The following GPM6A variants were observed in gnomAD, a reference collection of about 807,000 sequenced individuals.
GPM6A encodes neuronal membrane glycoprotein M6-a.
Under a neutral mutation model 32.1 loss-of-function variants are expected in GPM6A, and 7 were observed. The observed-to-expected ratio is 0.22, with a 90% CI of 0.12 to 0.41. The LOEUF is 0.41. Among genes scored for constraint, GPM6A ranks in the 10% least tolerant of loss-of-function variants. The pLI is 1.00. For synonymous variants in GPM6A, 130 were observed against 123.4 expected, an observed-to-expected ratio of 1.05 and a Z score of -0.35; for missense variants, 235 against 347.2, an observed-to-expected ratio of 0.68 and a Z score of 2.57.
intron 1 of GPM6A, among the ~76,000 whole-genome samples, chr4:175,788,400 T>C (rs944294621): frequency 2.0e-5 from 3 of 152,214 alleles, no homozygotes; most frequent in African/African-American, 7.2e-5. Flanking sequence ...TTTCTTTAAA[T>C]TGGCAAGGTA....
At chr4:175,919,397 C>G (rs892617551) in intron 1 of GPM6A, among the ~76,000 whole-genome samples, 4 of 152,110 alleles carry the variant, frequency 2.6e-5, no homozygotes, top group African/African-American at 4.8e-5. Context: ...GATTAATGGG[C>G]CAGAAGAAGC....
intron 1 of GPM6A, among the ~76,000 whole-genome samples, chr4:175,915,707 CAAT>C (rs1738472085): frequency 6.6e-6 from 1 of 152,028 alleles, no homozygotes; most frequent in South Asian, 2.1e-4. Flanking sequence ...ATCAGTACAA[CAAT>C]ATTATTTTTC....
intron 1 of GPM6A, among the ~76,000 whole-genome samples, chr4:175,906,463 T>C (rs369995908): frequency 2.0e-5 from 3 of 152,242 alleles, no homozygotes; most frequent in East Asian, 3.9e-4. Context: ...TAAAAACCAA[T>C]TTTAGAAAAC....
At chr4:175,960,499 T>C (rs553624924) in intron 1 of GPM6A, among the ~76,000 whole-genome samples, 3 of 152,310 alleles carry the variant, frequency 2.0e-5, no homozygotes, top group East Asian at 1.9e-4. Flanking sequence ...TAGATAAACA[T>C]GTGACATGGT....
intron 1 of GPM6A, among the ~76,000 whole-genome samples, chr4:175,770,101 A>G (rs1302612737): frequency 6.6e-6 from 1 of 152,130 alleles, no homozygotes; most frequent in African/African-American, 2.4e-5. Flanking sequence ...ATCTCAGCTC[A>G]CTGCAACCTC....
intron 1 of GPM6A, among the ~76,000 whole-genome samples, chr4:175,881,776 G>T (rs1048659463): frequency 6.6e-6 from 1 of 152,030 alleles, no homozygotes; most frequent in Non-Finnish European, 1.5e-5. Context: ...TCACTCATAG[G>T]TGGGAATTGA....
At chr4:175,787,283 T>C (rs1323732564) in intron 1 of GPM6A, 2 of 1,046,520 alleles carry the variant, frequency 1.9e-6, no homozygotes, top group Non-Finnish European at 2.9e-6. Context: ...CAGAAATGAT[T>C]TCCTCAATAG....
intron 1 of GPM6A, among the ~76,000 whole-genome samples, chr4:175,776,394 G>A (rs187735588): frequency 2.8e-4 from 43 of 152,276 alleles, no homozygotes; most frequent in Non-Finnish European, 4.6e-4. Context: ...CAACCTTGAC[G>A]TGAGGAACGG....
At chr4:175,999,548 C>A (rs761586952) in intron 1 of GPM6A, among the ~76,000 whole-genome samples, 2 of 151,414 alleles carry the variant, frequency 1.3e-5, no homozygotes, top group African/African-American at 2.4e-5. Context: ...TTACAATCAG[C>A]CTTGTGCATT....
At chr4:175,649,982 G>C (rs1352976499) in intron 4 of GPM6A, among the ~76,000 whole-genome samples, 2 of 152,114 alleles carry the variant, frequency 1.3e-5, no homozygotes, top group African/African-American at 2.4e-5. Context: ...TTAGGACAAG[G>C]GGCAGAGAGC....
intron 1 of GPM6A, among the ~76,000 whole-genome samples, chr4:175,918,176 T>A (rs1738555333): frequency 6.6e-6 from 1 of 151,994 alleles, no homozygotes. Flanking sequence ...AGAAACTTTA[T>A]AATGAAGACA....
intron 1 of GPM6A, among the ~76,000 whole-genome samples, chr4:175,801,329 A>C (rs1302188471): frequency 1.4e-5 from 2 of 145,160 alleles, no homozygotes; most frequent in African/African-American, 5.1e-5. Context: ...TTAATATTAT[A>C]GGTATGTTAA....
intron 1 of GPM6A, among the ~76,000 whole-genome samples, chr4:175,821,236 C>T (rs190445225): frequency 1.8e-4 from 28 of 152,212 alleles, no homozygotes; most frequent in African/African-American, 6.5e-4. Context: ...TTAAGTATCT[C>T]ATAAAGTTGA....
intron 1 of GPM6A, among the ~76,000 whole-genome samples, chr4:175,708,963 T>C (rs1745376497): frequency 6.6e-6 from 1 of 152,288 alleles, no homozygotes; most frequent in Admixed American, 6.5e-5. Context: ...AGTCCACTTG[T>C]GTACTTTATG....
chr4:175,708,537 C>A (rs995943943), intron 1 of GPM6A, among the ~76,000 whole-genome samples: 3 of 152,068 alleles, frequency 2.0e-5, no homozygotes, highest in Non-Finnish European at 4.4e-5. Flanking sequence ...AGCTGCCCGC[C>A]ACCACACCCA....
intron 1 of GPM6A, among the ~76,000 whole-genome samples, chr4:175,915,084 T>C (rs1307993958): frequency 6.6e-6 from 1 of 152,022 alleles, no homozygotes; most frequent in Non-Finnish European, 1.5e-5. Context: ...ATACACAAAA[T>C]AAAACCACAA....
At chr4:175,724,562 T>A (rs535369621) in intron 1 of GPM6A, among the ~76,000 whole-genome samples, 1 of 152,002 alleles carries the variant, frequency 6.6e-6, no homozygotes, top group Admixed American at 6.6e-5. Context: ...AAATTTTTTT[T>A]AACTTATAGA....
At chr4:175,930,104 T>C (rs1738978091) in intron 1 of GPM6A, among the ~76,000 whole-genome samples, 2 of 152,194 alleles carry the variant, frequency 1.3e-5, no homozygotes, top group Non-Finnish European at 2.9e-5. Flanking sequence ...TTTTATTTTA[T>C]TGGACATGCC....
chr4:175,677,109 A>G (rs1169585369), intron 2 of GPM6A, among the ~76,000 whole-genome samples: 1 of 152,182 alleles, frequency 6.6e-6, no homozygotes, highest in Non-Finnish European at 1.5e-5. Flanking sequence ...TAATTTGCTT[A>G]AATTTCATAG....
Sources: allele counts gnomAD v4.1 joint callset (sites outside exome capture counted in the v4.1 genomes callset), GRCh38; gene constraint gnomAD v4.1.1; transcripts MANE v1.5; gene names NCBI Gene and HGNC (gene_info 2026-07-23, HGNC 2026-07-21).